The following FARS2 variants were observed in gnomAD, a reference collection of about 807,000 sequenced individuals.
FARS2 encodes phenylalanine--tRNA ligase, mitochondrial.
A neutral mutation model predicts 46.4 loss-of-function variants in FARS2; 40 were observed. The ratio of observed to expected loss-of-function variants is 0.86; its 90% CI spans 0.67 to 1.12. The LOEUF (loss-of-function observed/expected upper bound fraction) is 1.12, where lower values mean the gene tolerates loss of function less well. FARS2 is among the 50% of genes most tolerant of loss of function. FARS2 has a pLI of 0.00. For missense variants in FARS2, 513 were observed against 567.9 expected, an observed-to-expected ratio of 0.90 and a Z score of 0.98; for synonymous variants, 234 against 214.9, an observed-to-expected ratio of 1.09 and a Z score of -0.78.
chr6:5,380,459 G>T (rs1340235117), intron 2 of FARS2, among the ~76,000 whole-genome samples: 1 of 152,142 alleles, frequency 6.6e-6, no homozygotes, highest in Non-Finnish European at 1.5e-5. Context: ...TTCACGCCTT[G>T]CTAGGAACTG....
At chr6:5,534,573 G>C (rs895502026) in intron 4 of FARS2, among the ~76,000 whole-genome samples, 1 of 152,112 alleles carries the variant, frequency 6.6e-6, no homozygotes, top group Non-Finnish European at 1.5e-5. Flanking sequence ...CATCCATGCT[G>C]TAGCATGTAT....
intron 2 of FARS2, among the ~76,000 whole-genome samples, chr6:5,372,015 G>A (rs1020874659): frequency 6.6e-6 from 1 of 151,934 alleles, no homozygotes; most frequent in African/African-American, 2.4e-5. Context: ...AGTTGGTACA[G>A]CAATATTAAT....
chr6:5,482,828 T>C (rs1766549493), intron 4 of FARS2, among the ~76,000 whole-genome samples: 1 of 152,200 alleles, frequency 6.6e-6, no homozygotes, highest in South Asian at 2.1e-4. Context: ...GTCAGCACTT[T>C]CCAGAAATTA....
chr6:5,392,624 G>A (rs894337747), intron 2 of FARS2, among the ~76,000 whole-genome samples: 1 of 151,520 alleles, frequency 6.6e-6, no homozygotes, highest in Non-Finnish European at 1.5e-5. Context: ...GGCTTAAGTG[G>A]GAGGATTGCT....
chr6:5,624,518 A>G (rs1252952807), intron 6 of FARS2, among the ~76,000 whole-genome samples: 1 of 152,196 alleles, frequency 6.6e-6, no homozygotes, highest in African/African-American at 2.4e-5. Context: ...GCGCTGAAGG[A>G]GCTGTATCTT....
In FARS2 at chr6:5,296,631, A is replaced by G. The variant is rs368007371; in HGVS notation, c.-22+34971A>G. Among the ~76,000 whole-genome samples the G allele has an allele frequency of 5.9e-5, 9 of 152,272 alleles. No individual in the cohort carries two copies. In the South Asian group the frequency reaches 1.5e-3, roughly 25 times the overall value. On this transcript the variant is annotated intron_variant, in intron 1 of 6. Coordinates refer to ENST00000274680, the MANE Select transcript of FARS2 (RefSeq NM_006567.5). ...ACCACCATTCTACTTTCTGTCTCTG[A>G]ATTTAACCACTCTAGGAACTTCGTA...
intron 1 of FARS2, among the ~76,000 whole-genome samples, chr6:5,335,239 G>A (rs797134): frequency 0.69 from 104,303 of 152,046 alleles, 36,558 homozygotes; most frequent in African/African-American, 0.82. Context: ...GCCCATATCC[G>A]TTTCAATTCT....
chr6:5,702,549 A>G (rs1350711993), intron 6 of FARS2, among the ~76,000 whole-genome samples: 1 of 152,256 alleles, frequency 6.6e-6, no homozygotes. Context: ...TGGAAAGTCA[A>G]TTCACTAATT....
chr6:5,380,069 A>G (rs1450278161), intron 2 of FARS2, among the ~76,000 whole-genome samples: 1 of 152,186 alleles, frequency 6.6e-6, no homozygotes, highest in East Asian at 1.9e-4. Flanking sequence ...TTATGGAGGC[A>G]AAATATTTGT....
At chr6:5,423,086 G>T (rs1034998314) in intron 3 of FARS2, among the ~76,000 whole-genome samples, 2 of 146,030 alleles carry the variant, frequency 1.4e-5, no homozygotes, top group Non-Finnish European at 3.1e-5. Context: ...TCCCCCACCC[G>T]ACCAGCTTTG....
chr6:5,409,468 A>G (rs1761809729), intron 3 of FARS2, among the ~76,000 whole-genome samples: 1 of 152,092 alleles, frequency 6.6e-6, no homozygotes. Flanking sequence ...AAGAAACTTA[A>G]ATTTTAGAAT....
chr6:5,607,244 A>G (rs1475837560), intron 5 of FARS2, among the ~76,000 whole-genome samples: 1 of 151,812 alleles, frequency 6.6e-6, no homozygotes, highest in East Asian at 1.9e-4. Context: ...GAGACACTAA[A>G]TAACTTTGTG....
intron 4 of FARS2, among the ~76,000 whole-genome samples, chr6:5,526,831 G>T (rs916638831): frequency 1.3e-5 from 2 of 152,000 alleles, no homozygotes; most frequent in South Asian, 4.1e-4. Flanking sequence ...TGGCCAGGCT[G>T]GTCTCAAACT....
intron 4 of FARS2, among the ~76,000 whole-genome samples, chr6:5,503,812 C>T (rs886688933): frequency 6.6e-6 from 1 of 152,170 alleles, no homozygotes; most frequent in Non-Finnish European, 1.5e-5. Flanking sequence ...AACACACTTG[C>T]TCTCTTTGCC....
At chr6:5,718,933 TC>T (rs1759694526) in intron 6 of FARS2, among the ~76,000 whole-genome samples, 1 of 152,210 alleles carries the variant, frequency 6.6e-6, no homozygotes, top group African/African-American at 2.4e-5. Flanking sequence ...TTACCAGTCT[TC>T]CTGTGGAAGA....
intron 4 of FARS2, among the ~76,000 whole-genome samples, chr6:5,508,000 A>G (rs1768200018): frequency 6.6e-6 from 1 of 152,244 alleles, no homozygotes; most frequent in Non-Finnish European, 1.5e-5. Flanking sequence ...TTTATAGGCA[A>G]ATAGAGAAAG....
In FARS2 at chr6:5,588,684, ACT is replaced by A. The variant is rs573806939; in HGVS notation, c.1066-24482_1066-24481del. Among the ~76,000 whole-genome samples, 26 of 151,856 alleles carry A rather than the reference ACT, an allele frequency of 1.7e-4. No individual in the cohort carries two copies. The South Asian group carries it at 4.2e-3, about 24-fold the overall frequency. ...ACTGGGCCTCTGTTTCCATCATAGG[ACT>A]CTTTCTCCAAGTGCTTCCTAACCAG... is the stretch of plus-strand genomic sequence containing the variant. On this transcript the variant is annotated intron_variant, in intron 5 of 6. Coordinates refer to ENST00000274680, the MANE Select transcript of FARS2 (RefSeq NM_006567.5).
chr6:5,547,124 G>A (rs1771078796), intron 5 of FARS2, among the ~76,000 whole-genome samples: 1 of 151,844 alleles, frequency 6.6e-6, no homozygotes, highest in South Asian at 2.1e-4. Context: ...GCTAACTTTT[G>A]TATTTTTAGT....
At chr6:5,573,002 A>G (rs1207054758) in intron 5 of FARS2, among the ~76,000 whole-genome samples, 1 of 152,200 alleles carries the variant, frequency 6.6e-6, no homozygotes, top group East Asian at 1.9e-4. Flanking sequence ...CCTTAGCACA[A>G]TATCGAAAAT....
Sources: gnomAD v4.1 joint callset for allele counts (sites outside exome capture counted in the v4.1 genomes callset) on GRCh38, gnomAD v4.1.1 for gene constraint, MANE v1.5 for transcripts, NCBI Gene and HGNC (gene_info 2026-07-23, HGNC 2026-07-21) for gene names.